KAZN: variants seen among roughly 807,000 people sequenced by gnomAD.
KAZN encodes kazrin, periplakin interacting protein, also known as kazrin.
In KAZN, 40 loss-of-function variants were observed where a neutral mutation model predicts 87.4. That is an observed-to-expected ratio of 0.46 (90% CI 0.36 to 0.60). The LOEUF is 0.60. Among genes scored for constraint, KAZN ranks in the 20% least tolerant of loss-of-function variants. The pLI is 0.00. For synonymous variants in KAZN, 466 were observed against 458.3 expected, an observed-to-expected ratio of 1.02 and a Z score of -0.22; for missense variants, 898 against 1,073.9, an observed-to-expected ratio of 0.84 and a Z score of 2.29.
At chr1:15,110,636 A>G (rs936181250) in intron 13 of KAZN, among the ~76,000 whole-genome samples, 2 of 152,092 alleles carry the variant, frequency 1.3e-5, no homozygotes, top group African/African-American at 4.8e-5. Flanking sequence ...TCTGCTCAGC[A>G]CGCGGCCCAG....
At chr1:14,357,414 TTCTTTC>T (rs1317311028) in intron 2 of KAZN, among the ~76,000 whole-genome samples, 1 of 152,178 alleles carries the variant, frequency 6.6e-6, no homozygotes, top group Non-Finnish European at 1.5e-5. Context: ...TACCCTTTAT[TTCTTTC>T]TCTTACCTGA....
chr1:14,456,273 C>T (rs1433551721), intron 2 of KAZN, among the ~76,000 whole-genome samples: 2 of 152,158 alleles, frequency 1.3e-5, no homozygotes, highest in South Asian at 2.1e-4. Context: ...GATCAGATTT[C>T]GTGATAATTA....
At chr1:14,037,025 G>T (rs1050476454) in intron 1 of KAZN, among the ~76,000 whole-genome samples, 1 of 152,044 alleles carries the variant, frequency 6.6e-6, no homozygotes, top group South Asian at 2.1e-4. Flanking sequence ...TGATCTGCCC[G>T]CCTCAGCCTC....
chr1:15,044,529 G>A (rs1045129655), intron 4 of KAZN, among the ~76,000 whole-genome samples: 2 of 152,022 alleles, frequency 1.3e-5, no homozygotes, highest in African/African-American at 4.8e-5. Context: ...CAGGTGGATC[G>A]TATTTGAGCC....
At position 14,735,179 on chromosome 1, in the gene KAZN, C is replaced by G. The variant is rs139856357; in HGVS notation, c.226+135956C>G. 0.017 allele frequency among the ~76,000 whole-genome samples: 2,640 copies of G among 152,314 alleles called. 51 individuals are homozygous for G. The highest frequency in any genetic ancestry group is 0.026 in the Non-Finnish European group (1,745 of 68,030). On this transcript the variant is annotated intron_variant, in intron 1 of 14. Coordinates refer to ENST00000376030, the MANE Select transcript of KAZN (RefSeq NM_201628.3). This position sits in a 1 kb window ranked among gnomAD's most constrained non-coding sequence, Gnocchi z 4.3. ...GGTTCACTCCATTCTCCTGCCTCAG[C>G]CTCAGGAGCAGCTGGGACTACAGGC... is the stretch of plus-strand genomic sequence containing the variant.
At chr1:14,882,851 G>A (rs1355685069) in intron 1 of KAZN, among the ~76,000 whole-genome samples, 1 of 152,134 alleles carries the variant, frequency 6.6e-6, no homozygotes, top group Non-Finnish European at 1.5e-5. Context: ...AGTAGGGACT[G>A]ACATCATCCT....
chr1:14,580,813 GATGTCATCA>G (rs1287935364), intron 2 of KAZN, among the ~76,000 whole-genome samples: 1 of 152,052 alleles, frequency 6.6e-6, no homozygotes, highest in African/African-American at 2.4e-5. Flanking sequence ...TCGATCATTC[GATGTCATCA>G]ATGTCATCAA....
At chr1:14,703,772 C>T (rs1377548924) in intron 1 of KAZN, among the ~76,000 whole-genome samples, 1 of 152,140 alleles carries the variant, frequency 6.6e-6, no homozygotes, top group Non-Finnish European at 1.5e-5. Flanking sequence ...CCCAGCTACT[C>T]AGGAGGCCAA....
chr1:14,577,913 A>G (rs1675290968), intron 2 of KAZN, among the ~76,000 whole-genome samples: 1 of 152,190 alleles, frequency 6.6e-6, no homozygotes, highest in African/African-American at 2.4e-5. Flanking sequence ...TGGCTGGCAG[A>G]GCTGGGACCC....
At position 14,658,511 on chromosome 1, in the gene KAZN, A is replaced by G. The variant is rs114782690; in HGVS notation, c.226+59288A>G. ...TGTGCACAGAGCCTGGGTCCTAGAA[A>G]GTCCTCGAAAAATGTCAGCTGGCCT... On this transcript the variant is annotated intron_variant, in intron 1 of 14. Coordinates refer to ENST00000376030, the MANE Select transcript of KAZN (RefSeq NM_201628.3). 4.7e-4 allele frequency among the ~76,000 whole-genome samples: 71 copies of G among 152,238 alleles called. 1 individual carries two copies. Among genetic ancestry groups the G allele is most frequent in the African/African-American group, 1.6e-3 (67 of 41,542 alleles).
intron 4 of KAZN, among the ~76,000 whole-genome samples, chr1:15,048,669 T>TTGGTCGTTGGTCCTGGGTCGTC (rs1557754431): frequency 6.9e-5 from 9 of 130,616 alleles, no homozygotes; most frequent in African/African-American, 3.0e-4. Flanking sequence ...CCTGGGTCGC[T>TTGGTCGTTGGTCCTGGGTCGTC]GGTCCTGGGT....
At chr1:14,012,004 A>C (rs893602541) in intron 1 of KAZN, among the ~76,000 whole-genome samples, 2 of 152,176 alleles carry the variant, frequency 1.3e-5, no homozygotes, top group Non-Finnish European at 2.9e-5. Flanking sequence ...GAAGGAGGCT[A>C]CTGGCATTTT....
intron 1 of KAZN, among the ~76,000 whole-genome samples, chr1:14,151,449 G>A (rs929125): frequency 0.37 from 56,249 of 151,878 alleles, 10,679 homozygotes; most frequent in Middle Eastern, 0.48. Context: ...TGATATTTTC[G>A]TGACTGCCTG....
At chr1:13,914,029 C>T (rs1639750574) in intron 1 of KAZN, among the ~76,000 whole-genome samples, 2 of 152,232 alleles carry the variant, frequency 1.3e-5, no homozygotes, top group Admixed American at 1.3e-4. Flanking sequence ...ATCCGAGTTT[C>T]AGCGCATTCT....
chr1:14,868,524 G>A (rs115910160), intron 1 of KAZN, among the ~76,000 whole-genome samples: 31 of 152,186 alleles, frequency 2.0e-4, no homozygotes, highest in African/African-American at 6.3e-4. Context: ...CCACTTCCCC[G>A]TGGGCCCTTC....
intron 2 of KAZN, among the ~76,000 whole-genome samples, chr1:14,480,734 ATATAC>A (rs1407623633): frequency 6.9e-6 from 1 of 145,726 alleles, no homozygotes; most frequent in African/African-American, 2.5e-5. Flanking sequence ...CATAAATTAC[ATATAC>A]TATATATGTA....
intron 1 of KAZN, among the ~76,000 whole-genome samples, chr1:14,604,626 T>C (rs1032772333): frequency 2.0e-5 from 3 of 152,186 alleles, no homozygotes; most frequent in South Asian, 2.1e-4. Context: ...CTGAACATAG[T>C]TTTAATGAGT....
intron 1 of KAZN, among the ~76,000 whole-genome samples, chr1:13,964,966 A>T (rs1641890837): frequency 6.6e-6 from 1 of 150,686 alleles, no homozygotes; most frequent in Admixed American, 6.6e-5. Context: ...TGTAGATAAG[A>T]GGGTGCCAGG....
intron 2 of KAZN, among the ~76,000 whole-genome samples, chr1:14,252,799 T>C (rs74793870): frequency 0.015 from 2,292 of 152,244 alleles, 23 homozygotes; most frequent in Non-Finnish European, 0.023. Context: ...ACACAATAAA[T>C]TTATTCTGCA....
Sources: allele counts gnomAD v4.1 joint callset (sites outside exome capture counted in the v4.1 genomes callset), GRCh38; gene constraint gnomAD v4.1.1; non-coding constraint Gnocchi (gnomAD v3.1); transcripts MANE v1.5; gene names NCBI Gene and HGNC (gene_info 2026-07-23, HGNC 2026-07-21).